IGFL4: variants seen among roughly 807,000 people sequenced by gnomAD.
The protein encoded by IGFL4 is insulin growth factor-like family member 4.
IGFL4 carries 12 observed loss-of-function variants against 15.4 expected under a neutral mutation model. That is an observed-to-expected ratio of 0.78 (90% CI 0.50 to 1.26). The LOEUF (loss-of-function observed/expected upper bound fraction) is 1.26, where lower values mean the gene tolerates loss of function less well. Among genes scored for constraint, IGFL4 ranks in the 50% most tolerant of loss-of-function variants. The pLI, the probability that IGFL4 is intolerant of heterozygous loss-of-function variation, is 0.00. For synonymous variants in IGFL4, 54 were observed against 55.9 expected, an observed-to-expected ratio of 0.97 and a Z score of 0.16; for missense variants, 126 against 147.8, an observed-to-expected ratio of 0.85 and a Z score of 0.76.
At chr19:46,076,112 A>T (rs1969593086) in intron 1 of IGFL4, among the ~76,000 whole-genome samples, 1 of 152,196 alleles carries the variant, frequency 6.6e-6, no homozygotes, top group South Asian at 2.1e-4. Flanking sequence ...TTCACATGGC[A>T]GAAAGGGGAA....
upstream of IGFL4, among the ~76,000 whole-genome samples, chr19:46,042,100 CATTGATTTTGTTGTTGT>C (rs554344120): frequency 0.67 from 101,378 of 151,526 alleles, 34,536 homozygotes; most frequent in East Asian, 0.86. Flanking sequence ...TCCCAAAGTG[CATTGATTTTGTTGTTGT>C]TGTGCTTATT....
At chr19:46,063,295 C>G (rs1969462668) in intron 1 of IGFL4, among the ~76,000 whole-genome samples, 1 of 151,692 alleles carries the variant, frequency 6.6e-6, no homozygotes, top group South Asian at 2.1e-4. Flanking sequence ...CAAAGCCTCC[C>G]TTTTCTCTAT....
intron 1 of IGFL4, chr19:46,076,912 T>C (rs1969605935): frequency 6.6e-6 from 1 of 152,182 alleles, no homozygotes; most frequent in African/African-American, 2.4e-5. Flanking sequence ...GGGTGTGAGA[T>C]TCCTAACGTT....
intron 1 of IGFL4, among the ~76,000 whole-genome samples, chr19:46,075,937 T>C (rs1484678817): frequency 6.6e-6 from 1 of 152,220 alleles, no homozygotes; most frequent in Admixed American, 6.5e-5. Flanking sequence ...CTTAGTCCAT[T>C]CCTGCTGCTA....
intron 1 of IGFL4, among the ~76,000 whole-genome samples, chr19:46,063,428 A>G (rs1203982198): frequency 6.6e-6 from 1 of 152,100 alleles, no homozygotes; most frequent in Non-Finnish European, 1.5e-5. Context: ...GCACTTCCTC[A>G]GAAGCATTCA....
upstream of IGFL4, among the ~76,000 whole-genome samples, chr19:46,045,866 C>G (rs1037432368): frequency 6.6e-6 from 1 of 152,070 alleles, no homozygotes; most frequent in Admixed American, 6.6e-5. Flanking sequence ...GGAGAACTTC[C>G]CCAAACTTGC....
chr19:46,045,721 G>C (rs1405678704), upstream of IGFL4, among the ~76,000 whole-genome samples: 3 of 151,896 alleles, frequency 2.0e-5, no homozygotes, highest in Non-Finnish European at 4.4e-5. Context: ...CAAGAATAGA[G>C]AAAAAAGAAC....
intron 2 of IGFL4, among the ~76,000 whole-genome samples, chr19:46,056,228 T>C (rs375797179): frequency 6.6e-6 from 1 of 152,230 alleles, no homozygotes; most frequent in African/African-American, 2.4e-5. Context: ...TTTAGATTAA[T>C]TGAAATTAAA....
intron 2 of IGFL4, among the ~76,000 whole-genome samples, chr19:46,047,600 A>G (rs1220767717): frequency 6.6e-6 from 1 of 152,180 alleles, no homozygotes; most frequent in Non-Finnish European, 1.5e-5. Context: ...ATTACCACTG[A>G]CCCCACGGAA....
chr19:46,044,507 G>C (rs949526542), upstream of IGFL4, among the ~76,000 whole-genome samples: 9 of 152,106 alleles, frequency 5.9e-5, no homozygotes, highest in African/African-American at 2.2e-4. Flanking sequence ...TTCCTGGGGT[G>C]GGGGTGTCGT....
intron 2 of IGFL4, among the ~76,000 whole-genome samples, chr19:46,055,360 C>T (rs1158942111): frequency 6.6e-6 from 1 of 152,014 alleles, no homozygotes; most frequent in Middle Eastern, 3.2e-3. Context: ...CCTGGGTAGC[C>T]AGGACAGGTG....
In IGFL4 at chr19:46,063,963, T is replaced by C. The variant is rs185703577; in HGVS notation, c.-431-3670A>G. On this transcript the variant is annotated intron_variant, in intron 1 of 5. Transcript: ENST00000601672. Reference sequence around the variant, plus strand: ...GGCACGTGCCTGTAATCCCAGCTACTTGGGAGGCTGAGACAGGAGAATCGC... The same window carrying C: ...GGCACGTGCCTGTAATCCCAGCTACCTGGGAGGCTGAGACAGGAGAATCGC... Among the ~76,000 whole-genome samples, 345 of 152,120 alleles carry C rather than the reference T, an allele frequency of 2.3e-3. 2 individuals carry two copies. The highest frequency in any genetic ancestry group is 4.1e-3 in the Admixed American group (63 of 15,286).
chr19:46,042,234 G>C (rs1405984675), upstream of IGFL4, among the ~76,000 whole-genome samples: 2 of 152,270 alleles, frequency 1.3e-5, no homozygotes, highest in African/African-American at 4.8e-5. Context: ...TTGCGTATTT[G>C]CATAGATATG....
chr19:46,058,479 A>G (rs961512405), intron 2 of IGFL4: 1 of 152,316 alleles, frequency 6.6e-6, no homozygotes, highest in East Asian at 1.9e-4. Flanking sequence ...TGGATCTACC[A>G]TTCTGGGGTC....
intron 1 of IGFL4, among the ~76,000 whole-genome samples, chr19:46,069,370 GAAAC>G (rs1568716874): frequency 6.6e-6 from 1 of 152,100 alleles, no homozygotes; most frequent in African/African-American, 2.4e-5. Context: ...ATACAGATAA[GAAAC>G]AAATGTATTC....
At chr19:46,069,367 T>C (rs1969524373) in intron 1 of IGFL4, among the ~76,000 whole-genome samples, 2 of 152,194 alleles carry the variant, frequency 1.3e-5, no homozygotes, top group South Asian at 4.1e-4. Context: ...ATAATACAGA[T>C]AAGAAACAAA....
intron 1 of IGFL4, among the ~76,000 whole-genome samples, chr19:46,067,945 A>C (rs1446651437): frequency 6.6e-6 from 1 of 152,218 alleles, no homozygotes; most frequent in South Asian, 2.1e-4. Flanking sequence ...GATGACAAAC[A>C]TTCTTTGGTC....
intron 2 of IGFL4, among the ~76,000 whole-genome samples, chr19:46,054,925 G>A (rs141213316): frequency 2.7e-4 from 41 of 152,298 alleles, no homozygotes; most frequent in African/African-American, 9.6e-4. Context: ...TGATGTGTTT[G>A]CCAAATCAAT....
chr19:46,053,304 T>A (rs1485539761), intron 2 of IGFL4, among the ~76,000 whole-genome samples: 2 of 152,128 alleles, frequency 1.3e-5, no homozygotes, highest in African/African-American at 4.8e-5. Context: ...AACCTCCACC[T>A]CCCAGGTTCG....
Sources: allele counts gnomAD v4.1 joint callset (sites outside exome capture counted in the v4.1 genomes callset), GRCh38; gene constraint gnomAD v4.1.1; transcripts MANE v1.5; gene names NCBI Gene and HGNC (gene_info 2026-07-23, HGNC 2026-07-21).